The following CACNB4 variants were observed in gnomAD, a reference collection of about 807,000 sequenced individuals.
The protein encoded by CACNB4 is calcium voltage-gated channel auxiliary subunit beta 4.
Under a neutral mutation model 71.2 loss-of-function variants are expected in CACNB4, and 32 were observed. That is an observed-to-expected ratio of 0.45 (90% CI 0.34 to 0.60). The LOEUF (loss-of-function observed/expected upper bound fraction) is 0.60. Among genes scored for constraint, CACNB4 ranks in the 20% least tolerant of loss-of-function variants. The pLI, the probability that CACNB4 is intolerant of heterozygous loss-of-function variation, is 0.01. For synonymous variants in CACNB4, 231 were observed against 236.9 expected, an observed-to-expected ratio of 0.97 and a Z score of 0.23; for missense variants, 464 against 647.9, an observed-to-expected ratio of 0.72 and a Z score of 3.08.
intron 2 of CACNB4, among the ~76,000 whole-genome samples, chr2:152,018,132 C>G (rs1683452087): frequency 6.6e-6 from 1 of 152,086 alleles, no homozygotes; most frequent in Non-Finnish European, 1.5e-5. Flanking sequence ...CATGCCCGGC[C>G]TTTTTTACAC....
intron 9 of CACNB4, chr2:151,861,037 A>C (rs538392484): frequency 2.1e-5 from 11 of 520,996 alleles, no homozygotes; most frequent in South Asian, 1.7e-4. Context: ...CACACAAAAA[A>C]ACCTACTCCA....
At chr2:151,937,142 A>C (rs892343087) in intron 2 of CACNB4, among the ~76,000 whole-genome samples, 45 of 152,196 alleles carry the variant, frequency 3.0e-4, no homozygotes, top group African/African-American at 1.0e-3. Flanking sequence ...TTCTCATCGG[A>C]AACCACTGAA....
chr2:151,920,974 T>TA (rs2099858840), intron 2 of CACNB4, among the ~76,000 whole-genome samples: 1 of 151,740 alleles, frequency 6.6e-6, no homozygotes, highest in South Asian at 2.1e-4. Flanking sequence ...CCGTCTCTAC[T>TA]AAAAATACAA....
At chr2:152,067,702 CA>C (rs1383309940) in intron 2 of CACNB4, among the ~76,000 whole-genome samples, 2 of 152,160 alleles carry the variant, frequency 1.3e-5, no homozygotes, top group Non-Finnish European at 2.9e-5. Context: ...GGAGCTAGAT[CA>C]CCCGCCCTAT....
intron 6 of CACNB4, 183 bp from the exon 7 acceptor site, chr2:151,871,044 T>C (rs1275492655): frequency 1.7e-6 from 1 of 605,986 alleles, no homozygotes; most frequent in Non-Finnish European, 3.0e-6. Flanking sequence ...TGAAGATGTA[T>C]GAAAAACAGA....
At chr2:151,985,108 A>C (rs1681267308) in intron 2 of CACNB4, among the ~76,000 whole-genome samples, 1 of 152,210 alleles carries the variant, frequency 6.6e-6, no homozygotes, top group Admixed American at 6.5e-5. Context: ...AAAAAGTGGT[A>C]TTGCAGAAAA....
Position 151,973,836 on chromosome 2 carries a change from T to C in CACNB4, c.148-90466A>G, listed in dbSNP as rs1425502026. The C allele has an allele frequency of 1.5e-5, 23 of 1,501,384 alleles. No individual in the cohort carries two copies. In the East Asian group the frequency reaches 5.7e-4, roughly 37 times the overall value. 93.0% of individuals were successfully genotyped at this position (1,501,384 alleles called of 1,614,324 possible). A position where few individuals can be genotyped will look rare whatever the true frequency, so the allele number is the denominator to read the frequency against. ...ACTGCGCCTGCCTTATCAATTCCTG[T>C]GGATTTACCAGGCAAGATGCTATTC... On this transcript the variant is annotated intron_variant, in intron 2 of 13. Transcript: ENST00000539935.
intron 2 of CACNB4, among the ~76,000 whole-genome samples, chr2:151,993,737 G>C (rs1416684387): frequency 6.6e-6 from 1 of 151,612 alleles, no homozygotes; most frequent in African/African-American, 2.4e-5. Flanking sequence ...GCTAATTTTT[G>C]TATTTTCAGT....
chr2:151,871,495 G>A (rs1472969046), intron 6 of CACNB4: 1 of 152,304 alleles, frequency 6.6e-6, no homozygotes, highest in African/African-American at 2.4e-5. Flanking sequence ...TCCAACAAAT[G>A]GGAACGAAGC....
chr2:151,853,735 G>A (rs2099839599), intron 11 of CACNB4, 192 bp from the exon 12 acceptor site: 1 of 468,290 alleles, frequency 2.1e-6, no homozygotes, highest in Admixed American at 4.5e-5. Context: ...GATTTGATAT[G>A]TTCATCCTAT....
At chr2:152,007,336 C>CA (rs1682786615) in intron 2 of CACNB4, among the ~76,000 whole-genome samples, 1 of 152,138 alleles carries the variant, frequency 6.6e-6, no homozygotes, top group African/African-American at 2.4e-5. Context: ...TTCAACTTTT[C>CA]AAAAAGAAAC....
At position 152,098,413 on chromosome 2, in the gene CACNB4, C is replaced by T. The variant is rs1688400156; in HGVS notation, c.64G>A (p.Val22Met). 1.2e-6 allele frequency: 2 copies of T among 1,612,610 alleles called. No individual in the cohort carries two copies. The highest frequency in any genetic ancestry group is 1.1e-5 in the South Asian group (1 of 91,054). Residue 22 changes from valine to methionine, a missense_variant and splice_region_variant, in exon 2 of 14, where the codon GTG becomes ATG. By Grantham distance (21) the Val-to-Met change is conservative. This residue lies in a region of CACNB4 where 50 missense variants were observed against 47.5 expected (regional missense o/e 1.05). Coordinates refer to ENST00000539935, the MANE Select transcript of CACNB4 (RefSeq NM_000726.5). The surrounding 1 kb of genome is among the most constrained non-coding windows in gnomAD (Gnocchi z 5.3). ...CTCCGGGTTGTGGTGCCTCGGGCCA[C>T]CTGGACTCGACACACGGGGGCCAGA... ...ADGPHSPTSQ[V>M]ARGTTTRRSR... is the part of the protein sequence containing the mutation.
At chr2:152,003,437 T>G (rs1438590027) in intron 2 of CACNB4, among the ~76,000 whole-genome samples, 1 of 150,700 alleles carries the variant, frequency 6.6e-6, no homozygotes, top group African/African-American at 2.4e-5. Flanking sequence ...CAGACCAAGA[T>G]TCCATCTAAA....
chr2:151,880,716 T>C, intron 4 of CACNB4, 84 bp downstream of exon 4: 1 of 1,463,284 alleles, frequency 6.8e-7, no homozygotes, highest in East Asian at 2.4e-5. Context: ...TCCTTGGGTC[T>C]CCTCTCTGGC....
At chr2:151,886,099 C>T (rs963887299) in intron 2 of CACNB4, among the ~76,000 whole-genome samples, 7 of 152,052 alleles carry the variant, frequency 4.6e-5, no homozygotes, top group East Asian at 1.9e-4. Flanking sequence ...AGGTGTGAAC[C>T]GCTGTGCCTG....
intron 2 of CACNB4, among the ~76,000 whole-genome samples, chr2:152,040,745 A>G (rs1684833450): frequency 6.6e-6 from 1 of 152,182 alleles, no homozygotes; most frequent in Non-Finnish European, 1.5e-5. Context: ...CCAGCCAGCT[A>G]ATTAAATTTA....
intron 2 of CACNB4, among the ~76,000 whole-genome samples, chr2:152,026,357 C>G (rs974282339): frequency 9.4e-5 from 14 of 149,536 alleles, no homozygotes; most frequent in African/African-American, 3.2e-4. Context: ...AAAACCCTCT[C>G]TGGGCTCCAC....
chr2:151,901,217 T>C (rs2099853352), intron 2 of CACNB4, among the ~76,000 whole-genome samples: 1 of 152,026 alleles, frequency 6.6e-6, no homozygotes, highest in African/African-American at 2.4e-5. Flanking sequence ...ACTCCTGAGC[T>C]CAAGCGATCC....
At chr2:152,063,229 A>G (rs1489038490) in intron 2 of CACNB4, among the ~76,000 whole-genome samples, 3 of 152,258 alleles carry the variant, frequency 2.0e-5, no homozygotes, top group Non-Finnish European at 4.4e-5. Context: ...AGCCTCTAAC[A>G]GTTCCAAATC....
Sources: gnomAD v4.1 joint callset for allele counts (sites outside exome capture counted in the v4.1 genomes callset) on GRCh38, gnomAD v4.1.1 for gene constraint, gnomAD v4.1.1 regional missense constraint, Gnocchi (gnomAD v3.1) non-coding constraint, MANE v1.5 for transcripts, NCBI Gene and HGNC (gene_info 2026-07-23, HGNC 2026-07-21) for gene names.